The following DOCK5 variants were observed in gnomAD, a reference collection of about 807,000 sequenced individuals.
DOCK5 encodes dedicator of cytokinesis 5.
A neutral mutation model predicts 251.8 loss-of-function variants in DOCK5; 142 were observed. That is an observed-to-expected ratio of 0.56 (90% CI 0.49 to 0.65). DOCK5 has a LOEUF of 0.65. DOCK5 is among the 30% of genes least tolerant of loss of function. The probability of loss-of-function intolerance (pLI) is 0.00; values close to 1 mark genes in which losing one functional copy is unlikely to be tolerated. For synonymous variants in DOCK5, 842 were observed against 835.5 expected (o/e 1.01, Z -0.13); for missense variants, 2,111 against 2,312.3 (o/e 0.91, Z 1.79).
chr8:25,308,000 C>T (rs1445253412), intron 11 of DOCK5, among the ~76,000 whole-genome samples: 1 of 152,176 alleles, frequency 6.6e-6, no homozygotes, highest in Admixed American at 6.5e-5. Flanking sequence ...TTGCCAGTCA[C>T]ATATTGCAGT....
chr8:25,257,458 G>A (rs1214842617), intron 2 of DOCK5, among the ~76,000 whole-genome samples: 1 of 152,196 alleles, frequency 6.6e-6, no homozygotes, highest in Non-Finnish European at 1.5e-5. Flanking sequence ...TCCACAACAT[G>A]CAGCCCTTTA....
At chr8:25,207,473 A>T (rs1036137698) in intron 1 of DOCK5, among the ~76,000 whole-genome samples, 3 of 152,228 alleles carry the variant, frequency 2.0e-5, no homozygotes, top group African/African-American at 4.8e-5. Flanking sequence ...TTAGGGGCTA[A>T]TGCAGCTGGT....
chr8:25,336,180 C>G (rs901906439), intron 21 of DOCK5, 59 bp from the exon 22 acceptor site: 15 of 1,558,312 alleles, frequency 9.6e-6, no homozygotes, highest in Non-Finnish European at 1.3e-5. Context: ...GATAACTTAC[C>G]CAAGCCTCAG....
At chr8:25,310,262 A>G in intron 12 of DOCK5, 145 bp from the exon 13 acceptor site, 3 of 776,918 alleles carry the variant, frequency 3.9e-6, no homozygotes, top group Non-Finnish European at 5.7e-6. Context: ...TGGAAGTGTC[A>G]TTAAAATTAT....
At chr8:25,363,429 G>A (rs1282553432) in intron 29 of DOCK5, among the ~76,000 whole-genome samples, 2 of 152,146 alleles carry the variant, frequency 1.3e-5, no homozygotes, top group East Asian at 1.9e-4. Context: ...GTGGCTCCAC[G>A]TGGCCTGTGT....
Position 25,389,123 on chromosome 8 carries a change from T to G in DOCK5, c.4164T>G (p.Tyr1388Ter). ...TCTTCATCTATCGGGGAAAGGAGTA[T>G]GAGAGGCGAGAGGACTTCAGCCTGA... ...NKIFIYRGKEYERREDFSLRL... is the reference protein window; with the variant it reads ...NKIFIYRGKE The change falls in exon 41 of 52, where the codon TAT (tyrosine) becomes TAG (stop). Residue 1388 changes from tyrosine (Y) to a stop codon, truncating the protein, a stop_gained. Transcript: ENST00000276440. LOFTEE classifies it high-confidence loss of function. The G allele has an allele frequency of 1.9e-6, 3 of 1,613,986 alleles. No individual in the cohort carries two copies. The highest frequency in any genetic ancestry group is 1.1e-5 in the South Asian group (1 of 91,084).
intron 2 of DOCK5, among the ~76,000 whole-genome samples, chr8:25,263,726 C>T (rs184873324): frequency 7.9e-5 from 12 of 151,832 alleles, no homozygotes; most frequent in African/African-American, 2.7e-4. Context: ...CTCCCTTACA[C>T]GGATGCCCAC....
Position 25,197,564 on chromosome 8 carries a change from C to CGTGT in DOCK5, c.43+12614_43+12617dup, listed in dbSNP as rs1563304354. On this transcript the variant is annotated intron_variant, in intron 1 of 51. Transcript: ENST00000276440. ...CCAAAGATGCCCTCTCTTTAAGGAT[C>CGTGT]GTGTCTTTGTCTTTTTTTTTTTTTT... Among the ~76,000 whole-genome samples, 10 of 131,704 alleles carry CGTGT rather than the reference C, an allele frequency of 7.6e-5. 3 individuals are homozygous for CGTGT. The highest frequency in any genetic ancestry group is 7.6e-5 in the Admixed American group (1 of 13,090). The allele number at this position is 131,704 out of a possible 152,430, so 86.4% of individuals were successfully genotyped here. A position where few individuals can be genotyped will look rare whatever the true frequency, so the allele number is the denominator to read the frequency against.
intron 26 of DOCK5, among the ~76,000 whole-genome samples, 177 bp downstream of exon 26, chr8:25,345,788 C>T (rs900417813): frequency 1.3e-5 from 2 of 152,088 alleles, no homozygotes; most frequent in Non-Finnish European, 2.9e-5. Flanking sequence ...AGTCAGATTA[C>T]TGCTGGGGCC....
rs537799372 is a variant in DOCK5, at chr8:25,377,560, C to T, written c.3936+136C>T. On this transcript the variant is annotated intron_variant, in intron 38 of 51. Transcript: ENST00000276440. ...GCACTGTCTCCAACGAGACTGCCCCCGCTTCAGATGCCATCTTCAAATTTG... is the reference window on the plus strand; with the variant it reads ...GCACTGTCTCCAACGAGACTGCCCCTGCTTCAGATGCCATCTTCAAATTTG... 354 of 1,156,884 alleles carry T rather than the reference C, an allele frequency of 3.1e-4. 1 individual carries two copies. The highest frequency in any genetic ancestry group is 3.9e-4 in the Non-Finnish European group (330 of 846,792). The allele number at this position is 1,156,884 out of a possible 1,614,324, so 71.7% of individuals were successfully genotyped here.
At chr8:25,410,976 C>T (rs4521766) in intron 51 of DOCK5, among the ~76,000 whole-genome samples, 35,695 of 80,514 alleles carry the variant, frequency 0.44, 5,601 homozygotes, top group South Asian at 0.53. Context: ...TGTGTGTGCG[C>T]GCGCGCGCAC....
intron 48 of DOCK5, among the ~76,000 whole-genome samples, chr8:25,404,952 G>A (rs1227379332): frequency 6.6e-6 from 1 of 151,874 alleles, no homozygotes; most frequent in East Asian, 1.9e-4. Flanking sequence ...CTTTTTGTTT[G>A]TTTTTTGGTT....
At chr8:25,190,775 G>GATTTTTTTTTTTTTTTT (rs755511798) in intron 1 of DOCK5, among the ~76,000 whole-genome samples, 4 of 53,980 alleles carry the variant, frequency 7.4e-5, no homozygotes, top group East Asian at 6.5e-4. Flanking sequence ...CTTGGTCATG[G>GATTTTTTTTTTTTTTTT]GTTTTTTTTT....
intron 1 of DOCK5, among the ~76,000 whole-genome samples, chr8:25,206,682 A>G (rs1802009923): frequency 6.6e-6 from 1 of 152,168 alleles, no homozygotes; most frequent in African/African-American, 2.4e-5. Flanking sequence ...TTGTCCCTGG[A>G]TGGACACACT....
At chr8:25,333,958 A>G (rs1805741354) in intron 20 of DOCK5, 138 bp from the exon 21 acceptor site, 2 of 657,920 alleles carry the variant, frequency 3.0e-6, no homozygotes, top group African/African-American at 3.6e-5. Context: ...ACTTGACATC[A>G]GCTCTGGAAT....
intron 45 of DOCK5, 74 bp from the exon 46 acceptor site, chr8:25,399,835 CAT>C (rs1411384185): frequency 1.6e-5 from 18 of 1,116,222 alleles, no homozygotes; most frequent in South Asian, 9.5e-5. Flanking sequence ...GCACAGGACA[CAT>C]GTTTCACCCT....
chr8:25,309,399 G>A (rs187029730), intron 12 of DOCK5, among the ~76,000 whole-genome samples: 208 of 152,066 alleles, frequency 1.4e-3, no homozygotes, highest in African/African-American at 4.7e-3. Flanking sequence ...GCCCAGGCTG[G>A]TCTCAACTTC....
chr8:25,395,909 G>T (rs1356242580), intron 45 of DOCK5, 190 bp downstream of exon 45: 3 of 740,558 alleles, frequency 4.1e-6, no homozygotes, highest in African/African-American at 1.8e-5. Context: ...AACCCAGCTG[G>T]TATAGAACTT....
chr8:25,184,920 G>A lies in DOCK5; in HGVS notation c.12G>A (p.Trp4Ter). 1 of 1,442,854 alleles carries A rather than the reference G, an allele frequency of 6.9e-7. No individual in the cohort carries two copies. Among genetic ancestry groups the A allele is most frequent in the Non-Finnish European group, 9.2e-7 (1 of 1,088,200 alleles). 89.4% of individuals were successfully genotyped at this position (1,442,854 alleles called of 1,614,324 possible). The change falls in exon 1 of 52, where the codon TGG becomes TGA. Residue 4 changes from tryptophan (W) to a stop codon, truncating the protein, a stop_gained. Transcript: ENST00000276440. LOFTEE classifies it high-confidence loss of function. MAR[W>*]IPTKRQKYGV... Reference sequence around the variant, plus strand: ...GCGAGGTCGCCGCCATGGCCCGCTGGATCCCGACCAAGAGGCAGAAGTACG... The same window carrying A: ...GCGAGGTCGCCGCCATGGCCCGCTGAATCCCGACCAAGAGGCAGAAGTACG...
Sources: allele counts gnomAD v4.1 joint callset (sites outside exome capture counted in the v4.1 genomes callset), GRCh38; gene constraint gnomAD v4.1.1; transcripts MANE v1.5; gene names NCBI Gene and HGNC (gene_info 2026-07-23, HGNC 2026-07-21).